Variants in KCNK13 observed in about 807,000 individuals in gnomAD.
KCNK13 encodes potassium channel subfamily K member 13.
KCNK13 carries 12 observed loss-of-function variants against 23.4 expected under a neutral mutation model. That is an observed-to-expected ratio of 0.51 (90% CI 0.33 to 0.83). The LOEUF (loss-of-function observed/expected upper bound fraction) is 0.83. KCNK13 is among the 40% of genes least tolerant of loss of function. KCNK13 has a pLI of 0.02. For synonymous variants in KCNK13, 231 were observed against 229.5 expected, an observed-to-expected ratio of 1.01 and a Z score of -0.06; for missense variants, 463 against 556.3, an observed-to-expected ratio of 0.83 and a Z score of 1.69.
At chr14:90,130,940 G>C (rs1488459039) in intron 1 of KCNK13, among the ~76,000 whole-genome samples, 1 of 152,202 alleles carries the variant, frequency 6.6e-6, no homozygotes, top group East Asian at 1.9e-4. Flanking sequence ...CGAGACCCAA[G>C]TTTGATTCCA....
intron 1 of KCNK13, among the ~76,000 whole-genome samples, chr14:90,069,024 T>G (rs1328896469): frequency 6.7e-6 from 1 of 148,798 alleles, no homozygotes; most frequent in Non-Finnish European, 1.5e-5. Flanking sequence ...AACAACAGTT[T>G]TTATTCTTTT....
At chr14:90,107,578 A>G in intron 1 of KCNK13, 1 of 490,168 alleles carries the variant, frequency 2.0e-6, no homozygotes, top group Non-Finnish European at 3.7e-6. Context: ...AAAAGTAAAG[A>G]GTGTGTTTAT....
chr14:90,145,282 A>G (rs1890060482), intron 1 of KCNK13, among the ~76,000 whole-genome samples: 1 of 151,810 alleles, frequency 6.6e-6, no homozygotes, highest in African/African-American at 2.4e-5. Flanking sequence ...AGTCCCAGCT[A>G]CTTGGGAGGC....
intron 1 of KCNK13, among the ~76,000 whole-genome samples, chr14:90,161,965 G>C (rs1890256886): frequency 6.6e-6 from 1 of 152,132 alleles, no homozygotes; most frequent in Admixed American, 6.6e-5. Flanking sequence ...GATTGTGTGA[G>C]CCCAGGAGTT....
Position 90,156,576 on chromosome 14 carries a change from G to T in KCNK13, c.335-27535G>T, listed in dbSNP as rs57280260. Among the ~76,000 whole-genome samples the T allele has an allele frequency of 4.5e-3, 680 of 152,280 alleles. 3 individuals are homozygous for T. The highest frequency in any genetic ancestry group is 0.015 in the African/African-American group (622 of 41,554). ...ATTGTGGCAGGAATAGTGTTGAAGA[G>T]AAGGACAACTGTGAGCCAGGGACTG... On this transcript the variant is annotated intron_variant, in intron 1 of 1. Coordinates refer to ENST00000282146, the MANE Select transcript of KCNK13 (RefSeq NM_022054.4).
chr14:90,167,933 G>A (rs1234549494), intron 1 of KCNK13, among the ~76,000 whole-genome samples: 2 of 152,154 alleles, frequency 1.3e-5, no homozygotes, highest in Non-Finnish European at 2.9e-5. Context: ...GAATACTTTG[G>A]AAGTCAGTTC....
intron 1 of KCNK13, among the ~76,000 whole-genome samples, chr14:90,176,269 G>A (rs1040171139): frequency 3.3e-5 from 5 of 152,118 alleles, no homozygotes; most frequent in African/African-American, 7.2e-5. Context: ...TTTCCCCACC[G>A]ATAACTTGAA....
intron 1 of KCNK13, among the ~76,000 whole-genome samples, chr14:90,134,286 A>G (rs1410234135): frequency 6.6e-6 from 1 of 152,184 alleles, no homozygotes; most frequent in African/African-American, 2.4e-5. Context: ...GGGGAAATGC[A>G]TTGTTGCCTC....
rs1161138378 is a variant in KCNK13, at chr14:90,184,996, ACAGGTAGAAGC to A, written c.1225_*8del. On this transcript the variant is annotated stop_lost and 3_prime_UTR_variant, in exon 2 of 2. Coordinates refer to ENST00000282146, the MANE Select transcript of KCNK13 (RefSeq NM_022054.4). This position sits in a 1 kb window ranked among gnomAD's most constrained non-coding sequence, Gnocchi z 5.6. ...AACAGGTTGGCAGAGACCAGTGGGG[ACAGGTAGAAGC>A]CAGGAGTGGATGCTGGGCAGAGGCC... 3.2e-6 allele frequency: 5 copies of A among 1,585,380 alleles called. No homozygotes were observed. The highest frequency in any genetic ancestry group is 4.3e-6 in the Non-Finnish European group (5 of 1,165,530).
chr14:90,101,125 GATA>G (rs1254552039), intron 1 of KCNK13, among the ~76,000 whole-genome samples: 1 of 152,182 alleles, frequency 6.6e-6, no homozygotes, highest in Admixed American at 6.5e-5. Flanking sequence ...AACATGGGCT[GATA>G]ATAATCACAC....
At chr14:90,077,810 A>T (rs1041232637) in intron 1 of KCNK13, among the ~76,000 whole-genome samples, 1 of 152,108 alleles carries the variant, frequency 6.6e-6, no homozygotes, top group African/African-American at 2.4e-5. Context: ...GATTTTCTTC[A>T]TTAAATCTTG....
chr14:90,096,027 A>G (rs544715181), intron 1 of KCNK13, among the ~76,000 whole-genome samples: 5 of 152,330 alleles, frequency 3.3e-5, no homozygotes, highest in Admixed American at 1.3e-4. Flanking sequence ...GAAGAGATGC[A>G]TAGGATAACA....
chr14:90,133,004 G>A (rs184225711), intron 1 of KCNK13, among the ~76,000 whole-genome samples: 2 of 152,290 alleles, frequency 1.3e-5, no homozygotes, highest in East Asian at 3.9e-4. Context: ...ATGAGTCACG[G>A]CTTCATAGCT....
intron 1 of KCNK13, among the ~76,000 whole-genome samples, chr14:90,118,714 G>C (rs548251475): frequency 6.6e-6 from 1 of 152,082 alleles, no homozygotes. Flanking sequence ...ACATCCCCAC[G>C]GGAATGCACA....
chr14:90,134,593 G>A (rs1190639770), intron 1 of KCNK13, among the ~76,000 whole-genome samples: 1 of 152,172 alleles, frequency 6.6e-6, no homozygotes, highest in African/African-American at 2.4e-5. Flanking sequence ...CACAATAATA[G>A]CAGCTCACGT....
Position 90,062,422 on chromosome 14 carries a change from G to C in KCNK13, c.217G>C (p.Gly73Arg), listed in dbSNP as rs939680942. The change falls in exon 1 of 2, where the codon GGC (glycine) becomes CGC (arginine). Residue 73 changes from glycine (G) to arginine (R), a missense_variant. Gly to Arg is a moderately radical substitution (Grantham distance 125, BLOSUM62 -2). This residue lies in a region of KCNK13 where 153 missense variants were observed against 153.6 expected (regional missense o/e 1.00). Coordinates refer to ENST00000282146, the MANE Select transcript of KCNK13 (RefSeq NM_022054.4). The surrounding 1 kb of genome is among the most constrained non-coding windows in gnomAD (Gnocchi z 4.5). ...CAACCTGAGCCGCGACGAGCTGCGC[G>C]GCTTCCTCCGCCACTACGAGGAGGC... ...GHNLSRDELR[G>R]FLRHYEEATR... The C allele has an allele frequency of 2.6e-6, 4 of 1,545,802 alleles. No individual in the cohort carries two copies. Among genetic ancestry groups the C allele is most frequent in the Non-Finnish European group, 3.5e-6 (4 of 1,145,028 alleles).
intron 1 of KCNK13, among the ~76,000 whole-genome samples, chr14:90,096,595 G>A (rs185866343): frequency 4.6e-5 from 7 of 152,228 alleles, no homozygotes; most frequent in Non-Finnish European, 8.8e-5. Context: ...CCTTTTGCTT[G>A]CAAATATTAG....
At chr14:90,158,957 C>T (rs1890223981) in intron 1 of KCNK13, among the ~76,000 whole-genome samples, 1 of 152,226 alleles carries the variant, frequency 6.6e-6, no homozygotes, top group South Asian at 2.1e-4. Flanking sequence ...ACCCCTCAAC[C>T]ATCATACTGT....
intron 1 of KCNK13, among the ~76,000 whole-genome samples, chr14:90,091,773 C>A (rs530157219): frequency 2.0e-5 from 3 of 151,704 alleles, no homozygotes; most frequent in Non-Finnish European, 4.4e-5. Flanking sequence ...GGAGAGAGTC[C>A]TGGAGTTACC....
Sources: allele counts gnomAD v4.1 joint callset (sites outside exome capture counted in the v4.1 genomes callset), GRCh38; gene constraint gnomAD v4.1.1; regional missense constraint gnomAD v4.1.1; non-coding constraint Gnocchi (gnomAD v3.1); transcripts MANE v1.5; gene names NCBI Gene and HGNC (gene_info 2026-07-23, HGNC 2026-07-21).